Variants in PIK3C2G observed in about 807,000 individuals in gnomAD.
PIK3C2G encodes phosphatidylinositol-4-phosphate 3-kinase catalytic subunit type 2 gamma.
Under a neutral mutation model 181.1 loss-of-function variants are expected in PIK3C2G, and 168 were observed. The observed-to-expected ratio is 0.93, with a 90% confidence interval of 0.82 to 1.05. PIK3C2G has a LOEUF of 1.05. Ranked by LOEUF, PIK3C2G falls within the 50% of genes least tolerant of loss-of-function variation. The pLI is 0.00. For missense variants in PIK3C2G, 1,869 were observed against 1,732.8 expected (o/e 1.08, Z -1.40); for synonymous variants, 573 against 592.2 (o/e 0.97, Z 0.47).
At chr12:18,368,997 G>C (rs1008493352) in intron 12 of PIK3C2G, among the ~76,000 whole-genome samples, 8 of 152,222 alleles carry the variant, frequency 5.3e-5, no homozygotes, top group Admixed American at 4.6e-4. Context: ...CCTCAGCTGG[G>C]TGAACCTCAG....
At chr12:18,471,567 T>C (rs536023338) in intron 18 of PIK3C2G, among the ~76,000 whole-genome samples, 1 of 152,282 alleles carries the variant, frequency 6.6e-6, no homozygotes, top group South Asian at 2.1e-4. Flanking sequence ...GTCTTATCTC[T>C]GGAAACTTCC....
At chr12:18,401,250 T>C (rs1235976912) in intron 16 of PIK3C2G, among the ~76,000 whole-genome samples, 1 of 152,158 alleles carries the variant, frequency 6.6e-6, no homozygotes, top group Non-Finnish European at 1.5e-5. Context: ...AATTTGAGGA[T>C]ATTATCATTA....
intron 10 of PIK3C2G, among the ~76,000 whole-genome samples, chr12:18,344,806 C>T (rs934719900): frequency 1.8e-4 from 27 of 152,052 alleles, no homozygotes; most frequent in African/African-American, 6.5e-4. Flanking sequence ...CTTTTCCCAC[C>T]ATATTTCACC....
intron 16 of PIK3C2G, among the ~76,000 whole-genome samples, chr12:18,402,256 T>C (rs1253035685): frequency 6.6e-6 from 1 of 152,108 alleles, no homozygotes; most frequent in Non-Finnish European, 1.5e-5. Flanking sequence ...TTATGCTAAG[T>C]GAAAGAAGCC....
intron 11 of PIK3C2G, among the ~76,000 whole-genome samples, chr12:18,353,656 G>C (rs558768529): frequency 6.6e-6 from 1 of 152,238 alleles, no homozygotes; most frequent in African/African-American, 2.4e-5. Flanking sequence ...CCACTTTCAG[G>C]AGGTCCTCTA....
chr12:18,400,824 C>T (rs1440047125), intron 16 of PIK3C2G, among the ~76,000 whole-genome samples: 1 of 151,944 alleles, frequency 6.6e-6, no homozygotes, highest in South Asian at 2.1e-4. Flanking sequence ...TTTATGGCTT[C>T]TTCCATTAAC....
intron 7 of PIK3C2G, 90 bp from the exon 8 acceptor site, chr12:18,324,945 G>A: frequency 1.5e-6 from 1 of 675,860 alleles, no homozygotes; most frequent in South Asian, 1.9e-5. Flanking sequence ...AGTATCATGG[G>A]CAAAACAATT....
the PIK3C2G span, chr12:18,688,202 T>C: frequency 2.5e-6 from 4 of 1,609,742 alleles, no homozygotes; most frequent in Non-Finnish European, 1.7e-6. Context: ...AAGAGGCAAC[T>C]GGATACCACT....
intron 18 of PIK3C2G, among the ~76,000 whole-genome samples, 175 bp from the exon 19 acceptor site, chr12:18,488,274 C>G (rs1940240992): frequency 6.6e-6 from 1 of 152,074 alleles, no homozygotes; most frequent in Non-Finnish European, 1.5e-5. Flanking sequence ...CATTAACTAT[C>G]AGATGGAACT....
At chr12:18,279,622 C>T (rs2137106822) in intron 1 of PIK3C2G, among the ~76,000 whole-genome samples, 1 of 152,048 alleles carries the variant, frequency 6.6e-6, no homozygotes, top group South Asian at 2.1e-4. Context: ...AAATTAAAGT[C>T]ACACCTGCTG....
In PIK3C2G at chr12:18,399,787, C is replaced by T; in HGVS notation, c.2255C>T (p.Thr752Ile). Residue 752 changes from threonine (T) to isoleucine (I), a missense_variant, in exon 16 of 33, where the codon ACC becomes ATC. Thr to Ile is a moderately conservative substitution (Grantham distance 89). Transcript: ENST00000538779. ...GAAAGGACTGTTTCAGAAATGCATA[C>T]CATTTTGAGAAGATGGACATTTTCT... Reference protein sequence around the residue: ...WDERTVSEMHTILRRWTFSQP... With the variant: ...WDERTVSEMHIILRRWTFSQP... 6.2e-7 allele frequency: 1 copy of T among 1,606,480 alleles called. No individual in the cohort carries two copies.
chr12:18,690,161 A>T, the PIK3C2G span, among the ~76,000 whole-genome samples: 1 of 152,196 alleles, frequency 6.6e-6, no homozygotes, highest in Non-Finnish European at 1.5e-5. Flanking sequence ...TATATTGGGC[A>T]TATACTTTGT....
chr12:18,385,266 T>C (rs1459623557), intron 14 of PIK3C2G, among the ~76,000 whole-genome samples: 3 of 152,180 alleles, frequency 2.0e-5, no homozygotes, highest in Non-Finnish European at 4.4e-5. Context: ...CTGCAGCCAC[T>C]CCAGTATGAC....
intron 18 of PIK3C2G, among the ~76,000 whole-genome samples, chr12:18,486,291 T>C (rs145716523): frequency 6.6e-6 from 1 of 151,992 alleles, no homozygotes; most frequent in African/African-American, 2.4e-5. Flanking sequence ...ATACACTGAG[T>C]TTTCTTAGCT....
At chr12:18,398,189 T>G (rs1192715975) in intron 15 of PIK3C2G, among the ~76,000 whole-genome samples, 3 of 152,116 alleles carry the variant, frequency 2.0e-5, no homozygotes, top group Middle Eastern at 3.2e-3. Context: ...TTGTAAAAAT[T>G]TATTGAACTG....
At position 18,640,509 on chromosome 12, in the gene PIK3C2G, A is replaced by G; in HGVS notation, c.4263A>G (p.Lys1421=). The G allele has an allele frequency of 2.5e-6, 4 of 1,605,738 alleles. No individual in the cohort carries two copies. The highest frequency in any genetic ancestry group is 3.4e-6 in the Non-Finnish European group (4 of 1,175,196). ...LPYPSEVRRR[K]TKSVPKCTDP... Reference sequence around the variant, plus strand: ...ATCCCAGTGAAGTTCGTAGGAGGAAAACAAAATCTGTTCCAAAATGTACGG... The same window carrying G: ...ATCCCAGTGAAGTTCGTAGGAGGAAGACAAAATCTGTTCCAAAATGTACGG... Residue 1421 remains lysine (K), a synonymous_variant, in exon 32 of 33, where the codon AAA becomes AAG. Transcript: ENST00000538779.
intron 30 of PIK3C2G, among the ~76,000 whole-genome samples, chr12:18,597,122 A>C (rs1947408010): frequency 6.6e-6 from 1 of 152,058 alleles, no homozygotes; most frequent in African/African-American, 2.4e-5. Flanking sequence ...GAAGGATATA[A>C]GTAAAATCTA....
At position 18,411,400 on chromosome 12, in the gene PIK3C2G, A is replaced by G. The variant is rs145920790; in HGVS notation, c.2316-9541A>G. On this transcript the variant is annotated intron_variant, in intron 16 of 32. Coordinates refer to ENST00000538779, the MANE Select transcript of PIK3C2G (RefSeq NM_001288772.2). ...TATAAGGAGATTAAACTAGGTCTCA[A>G]GTTTCTTTGGGTTCTAATATTCTGT... Among the ~76,000 whole-genome samples, 4 of 152,258 alleles carry G rather than the reference A, an allele frequency of 2.6e-5. No homozygotes were observed. In the East Asian group the frequency reaches 7.7e-4, roughly 29 times the overall value.
intron 18 of PIK3C2G, 92 bp downstream of exon 18, chr12:18,424,131 A>T: frequency 1.3e-6 from 1 of 754,562 alleles, no homozygotes; most frequent in Non-Finnish European, 2.3e-6. Context: ...TCTTTACCTT[A>T]TAATTGATAC....
Sources: allele counts gnomAD v4.1 joint callset (sites outside exome capture counted in the v4.1 genomes callset), GRCh38; gene constraint gnomAD v4.1.1; transcripts MANE v1.5; gene names NCBI Gene and HGNC (gene_info 2026-07-23, HGNC 2026-07-21).